Variants in UCN3 observed in about 807,000 individuals in gnomAD.
UCN3 encodes urocortin 3.
A neutral mutation model predicts 3.6 loss-of-function variants in UCN3; 3 were observed. The observed-to-expected ratio is 0.83, with a 90% CI of 0.38 to 2.15. The LOEUF is 2.15. Among genes scored for constraint, UCN3 ranks in the 30% most tolerant of loss-of-function variants. The pLI, the probability that UCN3 is intolerant of heterozygous loss-of-function variation, is 0.06. For synonymous variants in UCN3, 100 were observed against 93.2 expected, an observed-to-expected ratio of 1.07 and a Z score of -0.42; for missense variants, 206 against 208.3, an observed-to-expected ratio of 0.99 and a Z score of 0.07.
At chr10:5,370,499 ATATGCGTGTGTATATGTGTGTGTATG>A (rs1831369854) in intron 1 of UCN3, among the ~76,000 whole-genome samples, 1 of 68,600 alleles carries the variant, frequency 1.5e-5, no homozygotes, top group African/African-American at 5.8e-5. Flanking sequence ...ATGTGTGTGT[ATATGCGTGTGTATATGTGTGTGTATG>A]TGTGTGTGTA....
intron 1 of UCN3, among the ~76,000 whole-genome samples, chr10:5,371,266 C>A (rs548576777): frequency 6.7e-6 from 1 of 148,814 alleles, no homozygotes; most frequent in South Asian, 2.1e-4. Flanking sequence ...GGTGTGTGTG[C>A]GTGTATGTGC....
chr10:5,370,812 T>C (rs369512931), intron 1 of UCN3, among the ~76,000 whole-genome samples: 1,967 of 116,248 alleles, frequency 0.017, 115 homozygotes, highest in East Asian at 0.082. Context: ...TATGTGTGTG[T>C]GCGTGTGTGT....
intron 1 of UCN3, among the ~76,000 whole-genome samples, chr10:5,370,918 T>C (rs1831412219): frequency 7.0e-6 from 1 of 143,328 alleles, no homozygotes; most frequent in Non-Finnish European, 1.5e-5. Context: ...CGTGTGTATA[T>C]GCGTGTGTAT....
At chr10:5,368,456 G>A (rs960259793) in intron 1 of UCN3, among the ~76,000 whole-genome samples, 2 of 152,138 alleles carry the variant, frequency 1.3e-5, no homozygotes, top group African/African-American at 2.4e-5. Flanking sequence ...AAAGATTCTC[G>A]AACTCAATCC....
chr10:5,370,794 C>A (rs1317637520), intron 1 of UCN3, among the ~76,000 whole-genome samples: 1 of 70,762 alleles, frequency 1.4e-5, no homozygotes, highest in Non-Finnish European at 2.7e-5. Context: ...TGTGTGTATG[C>A]GTGTGTATAT....
intron 1 of UCN3, among the ~76,000 whole-genome samples, chr10:5,369,862 G>GGTGTGTGT (rs1348226825): frequency 3.0e-5 from 3 of 99,520 alleles, no homozygotes; most frequent in Non-Finnish European, 4.1e-5. Context: ...TATCCACGTG[G>GGTGTGTGT]GTGTGTGTGT....
chr10:5,370,879 A>ATGTGTGTGTG lies in UCN3; in HGVS notation c.-6-2835_-6-2834insGTGTGTGTGT, dbSNP rs1564443748. On this transcript the variant is annotated intron_variant, in intron 1 of 1. Coordinates refer to ENST00000380433, the MANE Select transcript of UCN3 (RefSeq NM_053049.4). Reference sequence around the variant, plus strand: ...TGTGTGTGCGTGTGTATGTGTGTGTATATGCGTGTGTATATGCGTGTGTAT... The same window carrying ATGTGTGTGTG: ...TGTGTGTGCGTGTGTATGTGTGTGTATGTGTGTGTGTATGCGTGTGTATATGCGTGTGTAT... 3.3e-4 allele frequency among the ~76,000 whole-genome samples: 25 copies of ATGTGTGTGTG among 76,536 alleles called. 3 individuals are homozygous for ATGTGTGTGTG. The highest frequency in any genetic ancestry group is 1.4e-3 in the African/African-American group (23 of 16,578). 50.2% of individuals were successfully genotyped at this position (76,536 alleles called of 152,430 possible).
chr10:5,370,403 GTGTA>G (rs1831361330), intron 1 of UCN3, among the ~76,000 whole-genome samples: 1 of 112,228 alleles, frequency 8.9e-6, no homozygotes, highest in Non-Finnish European at 1.7e-5. Flanking sequence ...GTATATGTGT[GTGTA>G]TATGTGTGTG....
In UCN3 at chr10:5,373,999, C is replaced by A. The variant is rs782031677; in HGVS notation, c.279C>A (p.Thr93=). 9.9e-6 allele frequency: 16 copies of A among 1,610,500 alleles called. No homozygotes were observed. Among genetic ancestry groups the A allele is most frequent in the South Asian group, 2.2e-5 (2 of 90,496 alleles). ...ISGARGGARG[T]RYRYVSQAQP... is the part of the protein sequence containing the mutation. ...GGGCCAGGGGTGGAGCCAGAGGCAC[C>A]CGGTACAGATACGTGTCCCAAGCAC... The change falls in exon 2 of 2, where the codon ACC becomes ACA. Residue 93 remains threonine (T), a synonymous_variant. Coordinates refer to ENST00000380433, the MANE Select transcript of UCN3 (RefSeq NM_053049.4).
In UCN3 at chr10:5,365,416, G is replaced by A. The variant is rs893856540; in HGVS notation, c.-7+186G>A. ...GAAATCAGCCCCAAAGGGACCAGGG[G>A]AAGTTTCTCAGGGAGGCACAATCAC... On this transcript the variant is annotated intron_variant, in intron 1 of 1. Coordinates refer to ENST00000380433, the MANE Select transcript of UCN3 (RefSeq NM_053049.4). The surrounding 1 kb of genome is among the most constrained non-coding windows in gnomAD (Gnocchi z 4.4). Among the ~76,000 whole-genome samples the A allele has an allele frequency of 6.6e-6, 1 of 152,238 alleles. No individual in the cohort carries two copies. The highest frequency in any genetic ancestry group is 2.1e-4 in the South Asian group (1 of 4,830).
rs1431694011 is a variant in UCN3 at position 5,365,634 on chromosome 10, C to T, written c.-7+404C>T. Among the ~76,000 whole-genome samples, 3 of 152,164 alleles carry T rather than the reference C, an allele frequency of 2.0e-5. No individual in the cohort carries two copies. The highest frequency in any genetic ancestry group is 4.4e-5 in the Non-Finnish European group (3 of 68,032). Reference sequence around the variant, plus strand: ...GGAGCCACAGGACATGACTCCACGCCGCCTGCAAAGCAGCGAGGACACCTG... The same window carrying T: ...GGAGCCACAGGACATGACTCCACGCTGCCTGCAAAGCAGCGAGGACACCTG... On this transcript the variant is annotated intron_variant, in intron 1 of 1. Coordinates refer to ENST00000380433, the MANE Select transcript of UCN3 (RefSeq NM_053049.4). This position sits in a 1 kb window ranked among gnomAD's most constrained non-coding sequence, Gnocchi z 4.4.
intron 1 of UCN3, among the ~76,000 whole-genome samples, chr10:5,370,078 C>T (rs201520506): frequency 0.02 from 250 of 12,552 alleles, 7 homozygotes; most frequent in South Asian, 0.035. Context: ...TGTGTATATG[C>T]GTGTGTATAT....
At chr10:5,368,014 A>G (rs1554810845) in intron 1 of UCN3, among the ~76,000 whole-genome samples, 1 of 151,826 alleles carries the variant, frequency 6.6e-6, no homozygotes, top group Admixed American at 6.6e-5. Context: ...TAATTTATTT[A>G]TTTTTTTGAG....
At chr10:5,370,834 TGTGC>T (rs1831401841) in intron 1 of UCN3, among the ~76,000 whole-genome samples, 2 of 96,254 alleles carry the variant, frequency 2.1e-5, no homozygotes, top group Non-Finnish European at 4.2e-5. Context: ...CGCGCGTGTG[TGTGC>T]GCGTGTGTGT....
intron 1 of UCN3, among the ~76,000 whole-genome samples, chr10:5,372,812 C>G (rs904227684): frequency 6.6e-6 from 1 of 151,552 alleles, no homozygotes; most frequent in African/African-American, 2.4e-5. Context: ...ACCTCGGCAT[C>G]CCACAGTGCT....
At chr10:5,370,435 A>ATG (rs1297970768) in intron 1 of UCN3, among the ~76,000 whole-genome samples, 1 of 57,208 alleles carries the variant, frequency 1.7e-5, no homozygotes, top group Non-Finnish European at 3.2e-5. Flanking sequence ...GCGTGTGTAT[A>ATG]TGCGTGTGTA....
chr10:5,370,776 T>G (rs1254758847), intron 1 of UCN3, among the ~76,000 whole-genome samples: 1 of 135,112 alleles, frequency 7.4e-6, no homozygotes, highest in Non-Finnish European at 1.6e-5. Flanking sequence ...CGTGTGTATA[T>G]GCGTGTGTGT....
intron 1 of UCN3, among the ~76,000 whole-genome samples, chr10:5,368,209 G>A (rs576380707): frequency 6.6e-6 from 1 of 152,000 alleles, no homozygotes; most frequent in African/African-American, 2.4e-5. Context: ...TCACTATGTT[G>A]GCCAGGCTGG....
intron 1 of UCN3, among the ~76,000 whole-genome samples, chr10:5,370,855 G>GTA (rs879976368): frequency 0.025 from 3,025 of 121,278 alleles, 212 homozygotes; most frequent in South Asian, 0.049. Flanking sequence ...GTGTGCGCGT[G>GTA]TGTGTGCGTG....
Sources: gnomAD v4.1 joint callset for allele counts (sites outside exome capture counted in the v4.1 genomes callset) on GRCh38, gnomAD v4.1.1 for gene constraint, Gnocchi (gnomAD v3.1) non-coding constraint, MANE v1.5 for transcripts, NCBI Gene and HGNC (gene_info 2026-07-23, HGNC 2026-07-21) for gene names.